TNS1: variants seen among roughly 807,000 people sequenced by gnomAD.
TNS1 encodes tensin 1.
Under a neutral mutation model 168.6 loss-of-function variants are expected in TNS1, and 62 were observed. That is an observed-to-expected ratio of 0.37 (90% CI 0.30 to 0.45). TNS1 has a LOEUF of 0.45. TNS1 is among the 20% of genes least tolerant of loss of function. The probability of loss-of-function intolerance (pLI) is 1.00; values close to 1 mark genes in which losing one functional copy is unlikely to be tolerated. For missense variants in TNS1, 2,240 were observed against 2,339.4 expected (o/e 0.96, Z 0.88); for synonymous variants, 934 against 933.2 (o/e 1.00, Z -0.02).
intron 3 of TNS1, among the ~76,000 whole-genome samples, chr2:217,961,705 T>C (rs1957501517): frequency 6.6e-6 from 1 of 152,216 alleles, no homozygotes; most frequent in Admixed American, 6.5e-5. Flanking sequence ...CCCCCATTCT[T>C]CATTCACCCA....
Position 217,891,548 on chromosome 2 carries a change from G to A in TNS1, c.783-503C>T, listed in dbSNP as rs993159949. ...AAGGTGAGACTGACTTGGGTTGCTC[G>A]AAGTCCTAAAACTACAGCCTCCTGG... On this transcript the variant is annotated intron_variant, in intron 11 of 32. Transcript: ENST00000682258. 5.9e-5 allele frequency among the ~76,000 whole-genome samples: 9 copies of A among 152,262 alleles called. No individual in the cohort carries two copies. The South Asian group carries it at 1.7e-3, about 28-fold the overall frequency.
At chr2:217,947,651 C>A (rs183587275) in intron 3 of TNS1, among the ~76,000 whole-genome samples, 2 of 151,962 alleles carry the variant, frequency 1.3e-5, no homozygotes, top group Non-Finnish European at 2.9e-5. Context: ...AGAAGGGACG[C>A]GACAGAAAGG....
intron 23 of TNS1, among the ~76,000 whole-genome samples, chr2:217,819,251 G>A (rs933345900): frequency 3.9e-5 from 6 of 152,154 alleles, no homozygotes. Flanking sequence ...CTAGAATTGG[G>A]CTTTCACTCC....
chr2:217,880,125 A>G lies in TNS1; in HGVS notation c.1429+773T>C, dbSNP rs1950553360. Among the ~76,000 whole-genome samples, 1 of 152,336 alleles carries G rather than the reference A, an allele frequency of 6.6e-6. No homozygotes were observed. The highest frequency in any genetic ancestry group is 2.4e-5 in the African/African-American group (1 of 41,578). ...GCCAAACCCCAGGCAGGGCATCTCA[A>G]GAGTTCCTGGGCTCTGGGCATGCTC... On this transcript the variant is annotated intron_variant, in intron 18 of 32. Coordinates refer to ENST00000682258, the MANE Select transcript of TNS1 (RefSeq NM_001387777.1). The surrounding 1 kb of genome is among the most constrained non-coding windows in gnomAD (Gnocchi z 4.2).
chr2:217,841,037 C>G (rs992585948), intron 19 of TNS1, among the ~76,000 whole-genome samples: 3 of 151,200 alleles, frequency 2.0e-5, no homozygotes, highest in Non-Finnish European at 2.9e-5. Flanking sequence ...CAGATGGAAA[C>G]CAGAGAACAA....
rs370288081 is a variant in TNS1, at chr2:217,809,272, G to C, written c.5273+551C>G. On this transcript the variant is annotated intron_variant, in intron 30 of 32. Transcript: ENST00000682258. ...GGATGCATGGATGGATGGATGGATG[G>C]ATGGATGCATGGATGGATGGATGGA... 3.9e-3 allele frequency among the ~76,000 whole-genome samples: 219 copies of C among 55,870 alleles called. 21 individuals are homozygous for C. The highest frequency in any genetic ancestry group is 0.013 in the African/African-American group (121 of 9,552). The allele number at this position is 55,870 out of a possible 152,430, so 36.7% of individuals were successfully genotyped here.
At chr2:217,992,777 T>C (rs1425280023) in intron 1 of TNS1, among the ~76,000 whole-genome samples, 1 of 149,688 alleles carries the variant, frequency 6.7e-6, no homozygotes, top group Non-Finnish European at 1.5e-5. Context: ...ATGAGAGAGA[T>C]GAGACAGAGA....
intron 2 of TNS1, among the ~76,000 whole-genome samples, chr2:217,984,636 G>C (rs1466305658): frequency 6.6e-6 from 1 of 151,390 alleles, no homozygotes; most frequent in Non-Finnish European, 1.5e-5. Flanking sequence ...CTACAGGTGT[G>C]CACCACCACA....
intron 3 of TNS1, among the ~76,000 whole-genome samples, chr2:217,922,884 C>G (rs757140870): frequency 1.5e-4 from 23 of 152,372 alleles, no homozygotes; most frequent in African/African-American, 5.5e-4. Flanking sequence ...TCCAGGCCCA[C>G]TGGCCGGCCA....
intron 3 of TNS1, among the ~76,000 whole-genome samples, chr2:217,962,406 G>C (rs1957522345): frequency 6.6e-6 from 1 of 152,172 alleles, no homozygotes; most frequent in Non-Finnish European, 1.5e-5. Flanking sequence ...TCATGCCATT[G>C]CACTCCAGCC....
In TNS1 at chr2:217,800,376, C is replaced by A. The variant is rs553749511; in HGVS notation, c.*4083G>T. On this transcript the variant is annotated 3_prime_UTR_variant, in exon 33 of 33. Transcript: ENST00000682258. ...CCCCCACCCTGCCCCTCTGGGTGAA[C>A]CACTTCTCACCTGGGCTATCGCTGA... 1 of 152,352 alleles carries A rather than the reference C, an allele frequency of 6.6e-6. No individual in the cohort carries two copies. The highest frequency in any genetic ancestry group is 6.5e-5 in the Admixed American group (1 of 15,302). 9.4% of individuals were successfully genotyped at this position (152,352 alleles called of 1,614,324 possible).
At chr2:217,894,757 G>T (rs1952100655) in intron 9 of TNS1, among the ~76,000 whole-genome samples, 1 of 152,204 alleles carries the variant, frequency 6.6e-6, no homozygotes, top group South Asian at 2.1e-4. Context: ...CACAACTCCA[G>T]CCTCACCCAA....
chr2:217,964,450 G>A (rs147189323), intron 3 of TNS1, among the ~76,000 whole-genome samples: 15 of 152,148 alleles, frequency 9.9e-5, no homozygotes, highest in Non-Finnish European at 1.6e-4. Context: ...TCAAGTCCCC[G>A]GTCCTGGTTC....
chr2:217,920,563 A>ATTTTTTTTTTTT (rs35026780), intron 3 of TNS1, among the ~76,000 whole-genome samples: 95 of 135,908 alleles, frequency 7.0e-4, no homozygotes, highest in Admixed American at 1.6e-3. Context: ...AAGAAGAAGG[A>ATTTTTTTTTTTT]TTTTTTTTTT....
rs1182604766 is a variant in TNS1 at position 217,979,357 on chromosome 2, A to G, written c.149-555T>C. Reference sequence around the variant, plus strand: ...CACCCATCCACACAGCCATCCACGCACACACACACAGTCTCACACACACAG... The same window carrying G: ...CACCCATCCACACAGCCATCCACGCGCACACACACAGTCTCACACACACAG... On this transcript the variant is annotated intron_variant, in intron 2 of 32. Coordinates refer to ENST00000682258, the MANE Select transcript of TNS1 (RefSeq NM_001387777.1). Among the ~76,000 whole-genome samples, 6 of 151,898 alleles carry G rather than the reference A, an allele frequency of 4.0e-5. No individual in the cohort carries two copies. The East Asian group carries it at 1.2e-3, about 30-fold the overall frequency.
intron 1 of TNS1, among the ~76,000 whole-genome samples, chr2:217,996,221 G>A (rs749295613): frequency 1.3e-5 from 2 of 152,194 alleles, no homozygotes; most frequent in African/African-American, 4.8e-5. Flanking sequence ...TGGATGATGT[G>A]GGGAGAGGGC....
chr2:217,989,835 C>G (rs1041854955), intron 2 of TNS1, among the ~76,000 whole-genome samples: 1 of 152,074 alleles, frequency 6.6e-6, no homozygotes. Flanking sequence ...CCACATGCCT[C>G]AAAACACATC....
intron 3 of TNS1, among the ~76,000 whole-genome samples, chr2:217,961,252 C>T (rs1349409505): frequency 7.8e-5 from 11 of 141,772 alleles, no homozygotes; most frequent in African/African-American, 2.7e-4. Flanking sequence ...CACACACACA[C>T]ACACACACAG....
intron 1 of TNS1, among the ~76,000 whole-genome samples, chr2:218,029,973 T>C (rs13418459): frequency 0.23 from 35,229 of 152,042 alleles, 5,158 homozygotes; most frequent in East Asian, 0.41. Flanking sequence ...TTCAACTTCC[T>C]CCTGCTCCTC....
Sources: gnomAD v4.1 joint callset for allele counts (sites outside exome capture counted in the v4.1 genomes callset) on GRCh38, gnomAD v4.1.1 for gene constraint, Gnocchi (gnomAD v3.1) non-coding constraint, MANE v1.5 for transcripts, NCBI Gene and HGNC (gene_info 2026-07-23, HGNC 2026-07-21) for gene names.